The following MED10 variants were observed in gnomAD, a reference collection of about 807,000 sequenced individuals.
MED10 encodes mediator of RNA polymerase II transcription subunit 10.
In MED10, 9 loss-of-function variants were observed where a neutral mutation model predicts 17.2. That is an observed-to-expected ratio of 0.52 (90% CI 0.31 to 0.91). The LOEUF (loss-of-function observed/expected upper bound fraction) is 0.91, where lower values mean the gene tolerates loss of function less well. MED10 is among the 40% of genes least tolerant of loss of function. The probability of loss-of-function intolerance (pLI) is 0.04; values close to 1 mark genes in which losing one functional copy is unlikely to be tolerated. For missense variants in MED10, 129 were observed against 164.8 expected (o/e 0.78, Z 1.19); for synonymous variants, 66 against 59.8 (o/e 1.10, Z -0.48).
Position 6,374,341 on chromosome 5 carries a change from T to C in MED10, c.292A>G (p.Lys98Glu). Residue 98 changes from lysine (K) to glutamate (E), a missense_variant, in exon 3 of 4, where the codon AAG (lysine) becomes GAG (glutamate). Lys to Glu is a moderately conservative substitution (Grantham distance 56). Around this residue, in one of 3 missense-constraint regions of MED10, gnomAD observed 100 missense variants for 121.0 expected, o/e 0.83. Coordinates refer to ENST00000255764, the MANE Select transcript of MED10 (RefSeq NM_032286.3). ...AGTCTTACCTTCATGGTGTCGATCTTGCCTTTAACTTGCTCATTTTTAGCT... is the reference window on the plus strand; with the variant it reads ...AGTCTTACCTTCATGGTGTCGATCTCGCCTTTAACTTGCTCATTTTTAGCT... ...ALAKNEQVKG[K>E]IDTMKKFKSL... The C allele has an allele frequency of 1.2e-6, 2 of 1,612,748 alleles. No homozygotes were observed. The highest frequency in any genetic ancestry group is 1.7e-6 in the Non-Finnish European group (2 of 1,178,764).
Position 6,377,159 on chromosome 5 carries a change from T to C in MED10, c.206+7A>G. ...TACCCAAGACTAATATCAAGAATGTTACTTACTCAAAAACTTCTAACGGTA... is the reference window on the plus strand; with the variant it reads ...TACCCAAGACTAATATCAAGAATGTCACTTACTCAAAAACTTCTAACGGTA... On this transcript the variant is annotated splice_region_variant and intron_variant, in intron 2 of 3. Transcript: ENST00000255764. 1.3e-6 allele frequency: 2 copies of C among 1,584,142 alleles called. No individual in the cohort carries two copies. The highest frequency in any genetic ancestry group is 2.3e-5 in the East Asian group (1 of 44,418).
intron 1 of MED10, 45 bp downstream of exon 1, chr5:6,378,317 G>A (rs1579255105): frequency 2.0e-6 from 3 of 1,529,422 alleles, no homozygotes; most frequent in African/African-American, 1.4e-5. Context: ...CACGCTTCCC[G>A]GCCAGGCCCT....
Position 6,377,198 on chromosome 5 carries a change from A to G in MED10, c.174T>C (p.Leu58=). 6.2e-7 allele frequency: 1 copy of G among 1,610,532 alleles called. No individual in the cohort carries two copies. Among genetic ancestry groups the G allele is most frequent in the Non-Finnish European group, 8.5e-7 (1 of 1,178,284 alleles). The part of the protein sequence containing the change: ...LQDIDKCRQQ[L]HDITVPLEVF... ...CTTCTAACGGTACAGTAATATCATG[A>G]AGCTGCTGTCTGCACTTGTCAATAT... The change falls in exon 2 of 4, where the codon CTT becomes CTC. Residue 58 remains leucine (L), a synonymous_variant. Coordinates refer to ENST00000255764, the MANE Select transcript of MED10 (RefSeq NM_032286.3).
rs769109689 is a variant in MED10, at chr5:6,372,474, G to C, written c.*29C>G. ...GCCTCACGCCGCATCGCAGTCCCAG[G>C]GGATCTTCACACAGGGAGGGTGAGC... On this transcript the variant is annotated 3_prime_UTR_variant, in exon 4 of 4. Coordinates refer to ENST00000255764, the MANE Select transcript of MED10 (RefSeq NM_032286.3). 6.3e-7 allele frequency: 1 copy of C among 1,592,210 alleles called. No homozygotes were observed. The highest frequency in any genetic ancestry group is 1.3e-5 in the African/African-American group (1 of 74,530).
chr5:6,378,363 G>C lies in MED10; in HGVS notation c.121C>G (p.Leu41Val), dbSNP rs1389270606. 1.2e-6 allele frequency: 2 copies of C among 1,607,918 alleles called. No homozygotes were observed. The highest frequency in any genetic ancestry group is 2.2e-5 in the East Asian group (1 of 44,674). Residue 41 changes from leucine to valine, a missense_variant and splice_region_variant, in exon 1 of 4, where the codon CTG (leucine) becomes GTG (valine). Transcript: ENST00000255764. ...CGGCAGCCTCGGGCCGCCACTCACA[G>C]CTTTTGGTTGAGCCCGGCCTGGCTG... is the stretch of plus-strand genomic sequence containing the variant. ...PSSQAGLNQK[L>V]NFIVTGLQDI... is the part of the protein sequence containing the mutation.
chr5:6,377,772 G>C (rs1161520486), intron 1 of MED10, among the ~76,000 whole-genome samples: 1 of 152,226 alleles, frequency 6.6e-6, no homozygotes, highest in Admixed American at 6.5e-5. Flanking sequence ...CGAAAGTGCT[G>C]TACTTGCATT....
In MED10 at chr5:6,372,546, G is replaced by C. The variant is rs745716145; in HGVS notation, c.365C>G (p.Ala122Gly). The C allele has an allele frequency of 3.9e-5, 63 of 1,614,110 alleles. No individual in the cohort carries two copies. In the Middle Eastern group the frequency reaches 6.6e-4, roughly 17 times the overall value. Residue 122 changes from alanine (A) to glycine (G), a missense_variant, in exon 4 of 4, where the codon GCT (alanine) becomes GGT (glycine). Physicochemically the swap from Ala to Gly is moderately conservative, Grantham distance 60. Transcript: ENST00000255764. The part of the protein sequence containing the change: ...ELSKVFPEDM[A>G]KYRSIRGEDH... ...CTCCCCCCGGATGCTTCGATACTTA[G>C]CCATGTCTTCCGGAAATACTTTAGA... is the stretch of plus-strand genomic sequence containing the variant.
At chr5:6,374,657 A>T (rs1560905039) in intron 2 of MED10, 2 of 475,070 alleles carry the variant, frequency 4.2e-6, no homozygotes, top group East Asian at 7.5e-5. Context: ...TCAAGTAATG[A>T]TCACTGATAA....
chr5:6,373,703 C>A (rs544014882), intron 3 of MED10, among the ~76,000 whole-genome samples: 2 of 152,280 alleles, frequency 1.3e-5, no homozygotes, highest in Admixed American at 1.3e-4. Context: ...CTGCTGCACA[C>A]GGCAACAGTC....
intron 2 of MED10, among the ~76,000 whole-genome samples, chr5:6,376,069 A>T (rs58232276): frequency 0.01 from 1,597 of 152,320 alleles, 32 homozygotes; most frequent in African/African-American, 0.036. Flanking sequence ...CTGAGTCTGG[A>T]GCTACCTGAG....
In MED10 at chr5:6,377,149, T is replaced by C. The variant is rs752378280; in HGVS notation, c.206+17A>G. 9 of 1,554,120 alleles carry C rather than the reference T, an allele frequency of 5.8e-6. No individual in the cohort carries two copies. In the African/African-American group the frequency reaches 1.2e-4, roughly 21 times the overall value. On this transcript the variant is annotated intron_variant, in intron 2 of 3. Transcript: ENST00000255764. ...ACAAGATTTATACCCAAGACTAATATCAAGAATGTTACTTACTCAAAAACT... is the reference window on the plus strand; with the variant it reads ...ACAAGATTTATACCCAAGACTAATACCAAGAATGTTACTTACTCAAAAACT...
At chr5:6,378,126 A>C (rs545251590) in intron 1 of MED10, among the ~76,000 whole-genome samples, 1 of 152,346 alleles carries the variant, frequency 6.6e-6, no homozygotes, top group East Asian at 1.9e-4. Flanking sequence ...TCTGGCCATG[A>C]CGACGTCTCC....
intron 1 of MED10, among the ~76,000 whole-genome samples, 168 bp downstream of exon 1, chr5:6,378,194 C>A (rs1738039887): frequency 6.6e-6 from 1 of 151,892 alleles, no homozygotes; most frequent in Admixed American, 6.5e-5. Context: ...GCCCCGCCCT[C>A]TGAACACAGC....
At chr5:6,374,598 A>T (rs1737955380) in intron 2 of MED10, 172 bp from the exon 3 acceptor site, 3 of 569,592 alleles carry the variant, frequency 5.3e-6, no homozygotes, top group Non-Finnish European at 6.3e-6. Flanking sequence ...TTACACAAGT[A>T]CAGATCATCT....
chr5:6,376,850 G>A (rs1180892461), intron 2 of MED10: 1 of 182,848 alleles, frequency 5.5e-6, no homozygotes, highest in Non-Finnish European at 1.1e-5. Flanking sequence ...CTGTTCTTTA[G>A]CCTAAGCAGG....
chr5:6,378,391 G>A lies in MED10; in HGVS notation c.93C>T (p.Pro31=), dbSNP rs1343286352. 1.2e-6 allele frequency: 2 copies of A among 1,612,794 alleles called. No homozygotes were observed. The highest frequency in any genetic ancestry group is 1.7e-6 in the Non-Finnish European group (2 of 1,179,676). Residue 31 remains proline (P), a synonymous_variant, in exon 1 of 4, where the codon CCC becomes CCT. Transcript: ENST00000255764. The part of the protein sequence containing the change: ...QLGIIVSDFQ[P]SSQAGLNQKL... ...TTTGGTTGAGCCCGGCCTGGCTGCT[G>A]GGCTGGAAGTCACTGACGATGATGC... is the stretch of plus-strand genomic sequence containing the variant.
At chr5:6,378,022 C>T (rs377071606) in intron 1 of MED10, among the ~76,000 whole-genome samples, 31 of 152,292 alleles carry the variant, frequency 2.0e-4, no homozygotes, top group African/African-American at 7.5e-4. Context: ...AGAAGGGCTC[C>T]AGGAGGAAAA....
intron 2 of MED10, among the ~76,000 whole-genome samples, chr5:6,376,433 G>A (rs762564853): frequency 5.3e-5 from 8 of 152,214 alleles, no homozygotes; most frequent in Non-Finnish European, 1.0e-4. Context: ...CGGGGGTTTC[G>A]TCTTAACTCT....
At chr5:6,372,733 C>T (rs1202690874) in intron 3 of MED10, 132 bp from the exon 4 acceptor site, 11 of 658,696 alleles carry the variant, frequency 1.7e-5, no homozygotes, top group Non-Finnish European at 2.9e-5. Flanking sequence ...CCTGAGACTT[C>T]CACTGATCTC....
Sources: gnomAD v4.1 joint callset for allele counts (sites outside exome capture counted in the v4.1 genomes callset) on GRCh38, gnomAD v4.1.1 for gene constraint, gnomAD v4.1.1 regional missense constraint, MANE v1.5 for transcripts, NCBI Gene and HGNC (gene_info 2026-07-23, HGNC 2026-07-21) for gene names.